DAB1: variants seen among roughly 807,000 people sequenced by gnomAD.
DAB1 encodes disabled homolog 1.
In DAB1, 15 loss-of-function variants were observed where a neutral mutation model predicts 64.6. The observed-to-expected ratio is 0.23, with a 90% CI of 0.16 to 0.36. The LOEUF is 0.36. Among genes scored for constraint, DAB1 ranks in the 10% least tolerant of loss-of-function variants. The pLI is 1.00. For missense variants in DAB1, 596 were observed against 706.7 expected (o/e 0.84, Z 1.78); for synonymous variants, 235 against 251.9 (o/e 0.93, Z 0.64).
At chr1:58,308,184 C>T (rs566134541) in intron 4 of DAB1, among the ~76,000 whole-genome samples, 36 of 152,270 alleles carry the variant, frequency 2.4e-4, no homozygotes, top group Admixed American at 1.0e-3. Context: ...ACCCAGTCCA[C>T]ATAGCTAAAC....
At chr1:58,106,340 C>A (rs564147255) in intron 5 of DAB1, among the ~76,000 whole-genome samples, 2 of 152,004 alleles carry the variant, frequency 1.3e-5, no homozygotes, top group East Asian at 3.9e-4. Flanking sequence ...CCACCACACC[C>A]AGCTAATTTT....
chr1:57,896,452 T>A (rs1417860952), intron 5 of DAB1, among the ~76,000 whole-genome samples: 3 of 151,318 alleles, frequency 2.0e-5, no homozygotes, highest in African/African-American at 7.3e-5. Flanking sequence ...TGTAGTCAGC[T>A]CTTTTATATA....
intron 5 of DAB1, among the ~76,000 whole-genome samples, chr1:58,126,689 A>C (rs1265967127): frequency 6.9e-6 from 1 of 145,178 alleles, no homozygotes; most frequent in Non-Finnish European, 1.5e-5. Context: ...ATTCCCACCT[A>C]GGAGTGAGAA....
chr1:58,506,435 C>CTT (rs1645991777), intron 2 of DAB1, among the ~76,000 whole-genome samples: 1 of 152,156 alleles, frequency 6.6e-6, no homozygotes, highest in African/African-American at 2.4e-5. Flanking sequence ...CTTTATGTCA[C>CTT]TACATGCTTT....
intron 4 of DAB1, among the ~76,000 whole-genome samples, chr1:58,206,391 A>G (rs528518464): frequency 2.4e-4 from 37 of 152,294 alleles, no homozygotes; most frequent in African/African-American, 8.9e-4. Flanking sequence ...GTATGCAGCT[A>G]TTTTTAATCT....
At chr1:57,645,759 T>TG (rs1646185050) in intron 7 of DAB1, among the ~76,000 whole-genome samples, 1 of 152,182 alleles carries the variant, frequency 6.6e-6, no homozygotes, top group African/African-American at 2.4e-5. Flanking sequence ...TGTTATATCT[T>TG]GGGGCAGAGA....
At chr1:58,436,695 A>G (rs545410431) in intron 3 of DAB1, among the ~76,000 whole-genome samples, 1 of 152,374 alleles carries the variant, frequency 6.6e-6, no homozygotes, top group East Asian at 1.9e-4. Context: ...AAAATAAACA[A>G]TTAAGAACGT....
chr1:57,627,345 T>C (rs1279434526), intron 7 of DAB1, among the ~76,000 whole-genome samples: 1 of 152,152 alleles, frequency 6.6e-6, no homozygotes, highest in Non-Finnish European at 1.5e-5. Context: ...GTGACCCAAT[T>C]CTGTATAATA....
chr1:58,513,800 G>GT (rs1474196057), intron 2 of DAB1, among the ~76,000 whole-genome samples: 1 of 152,142 alleles, frequency 6.6e-6, no homozygotes, highest in Non-Finnish European at 1.5e-5. Flanking sequence ...ACTTCATGTG[G>GT]TAAGTACTGT....
At chr1:58,152,132 C>T (rs535590426) in intron 4 of DAB1, among the ~76,000 whole-genome samples, 28 of 152,102 alleles carry the variant, frequency 1.8e-4, no homozygotes, top group Non-Finnish European at 2.8e-4. Context: ...AGTATTTTTT[C>T]GACTCACTTC....
At chr1:57,449,072 G>A (rs1050129296) in intron 7 of DAB1, among the ~76,000 whole-genome samples, 3 of 152,010 alleles carry the variant, frequency 2.0e-5, no homozygotes, top group South Asian at 2.1e-4. Context: ...GAGTTTAAAG[G>A]CTATGACCGA....
intron 4 of DAB1, among the ~76,000 whole-genome samples, chr1:58,225,361 G>T (rs1397718907): frequency 6.6e-6 from 1 of 151,908 alleles, no homozygotes; most frequent in Non-Finnish European, 1.5e-5. Context: ...TACACTGTTG[G>T]TGGGACTGTA....
At chr1:58,190,378 C>T (rs1657319700) in intron 4 of DAB1, among the ~76,000 whole-genome samples, 1 of 152,190 alleles carries the variant, frequency 6.6e-6, no homozygotes, top group African/African-American at 2.4e-5. Context: ...ACCAGCTCAC[C>T]TTCCCATCCA....
intron 7 of DAB1, among the ~76,000 whole-genome samples, chr1:57,583,290 C>CTTT (rs34464140): frequency 5.9e-5 from 8 of 136,370 alleles, no homozygotes; most frequent in African/African-American, 2.2e-4. Context: ...TTTTTCTTTT[C>CTTT]TTTTTTTTTT....
chr1:58,180,900 T>C (rs1488093473), intron 4 of DAB1, among the ~76,000 whole-genome samples: 1 of 152,204 alleles, frequency 6.6e-6, no homozygotes, highest in African/African-American at 2.4e-5. Flanking sequence ...ACATATCTAT[T>C]CTAAATAATT....
chr1:58,283,771 C>T (rs1233858073), intron 4 of DAB1, among the ~76,000 whole-genome samples: 1 of 152,158 alleles, frequency 6.6e-6, no homozygotes, highest in African/African-American at 2.4e-5. Flanking sequence ...TTTTTCCTCC[C>T]ACAAGCTTCA....
At position 58,142,450 on chromosome 1, in the gene DAB1, C is replaced by T. The variant is rs1182006501; in HGVS notation, n.387+8061G>A. Among the ~76,000 whole-genome samples, 7 of 151,944 alleles carry T rather than the reference C, an allele frequency of 4.6e-5. No individual in the cohort carries two copies. The East Asian group carries it at 1.4e-3, about 30-fold the overall frequency. ...GGACTGAGTGGTGGCGTTTTTGTTT[C>T]TGCAGGAAATGGAGTCTCTTCATCC... On this transcript the variant is annotated intron_variant and non_coding_transcript_variant, in intron 5 of 20. Transcript: ENST00000485760.
intron 5 of DAB1, among the ~76,000 whole-genome samples, chr1:57,950,253 TC>T (rs1477607357): frequency 6.6e-6 from 1 of 152,132 alleles, no homozygotes; most frequent in Non-Finnish European, 1.5e-5. Context: ...AATATCTACC[TC>T]CTTGAAGGGT....
chr1:58,099,369 A>G (rs972524749), intron 5 of DAB1, among the ~76,000 whole-genome samples: 1 of 152,238 alleles, frequency 6.6e-6, no homozygotes, highest in Non-Finnish European at 1.5e-5. Flanking sequence ...CCTCTCATTT[A>G]TTTGTGACAG....
Sources: allele counts gnomAD v4.1 joint callset (sites outside exome capture counted in the v4.1 genomes callset), GRCh38; gene constraint gnomAD v4.1.1; transcripts MANE v1.5; gene names NCBI Gene and HGNC (gene_info 2026-07-23, HGNC 2026-07-21).